Variants in MYO1E observed in about 807,000 individuals in gnomAD.
MYO1E encodes unconventional myosin-Ie.
Under a neutral mutation model 151.1 loss-of-function variants are expected in MYO1E, and 68 were observed. The ratio of observed to expected loss-of-function variants is 0.45; its 90% CI spans 0.37 to 0.55. The LOEUF is 0.55. Among genes scored for constraint, MYO1E ranks in the 20% least tolerant of loss-of-function variants. MYO1E has a pLI of 0.00. For missense variants in MYO1E, 1,363 were observed against 1,389.3 expected, an observed-to-expected ratio of 0.98 and a Z score of 0.30; for synonymous variants, 601 against 501.7, an observed-to-expected ratio of 1.20 and a Z score of -2.64.
intron 1 of MYO1E, among the ~76,000 whole-genome samples, chr15:59,343,556 T>G (rs2080777461): frequency 6.6e-6 from 1 of 152,178 alleles, no homozygotes. Flanking sequence ...ATCTTTTGTT[T>G]GGGAAGTTAT....
chr15:59,164,934 G>T (rs149763356), intron 22 of MYO1E, among the ~76,000 whole-genome samples: 2 of 152,134 alleles, frequency 1.3e-5, no homozygotes, highest in African/African-American at 4.8e-5. Context: ...AGGTCCTCAT[G>T]AATTGGATTA....
At chr15:59,366,496 C>T (rs1168684514) in intron 1 of MYO1E, among the ~76,000 whole-genome samples, 3 of 151,786 alleles carry the variant, frequency 2.0e-5, no homozygotes, top group Non-Finnish European at 1.5e-5. Flanking sequence ...CGACCACACC[C>T]GGCAAAAAAA....
chr15:59,268,718 G>GT (rs1452818863), intron 2 of MYO1E, among the ~76,000 whole-genome samples: 21 of 12,054 alleles, frequency 1.7e-3, no homozygotes, highest in African/African-American at 2.6e-3. Context: ...GGTGACTTTG[G>GT]TATTTTTTTT....
chr15:59,257,006 C>T (rs1015808066), intron 3 of MYO1E, among the ~76,000 whole-genome samples: 7 of 152,136 alleles, frequency 4.6e-5, no homozygotes, highest in East Asian at 1.9e-4. Flanking sequence ...AATCCTACCA[C>T]GCTAAGATAT....
At chr15:59,282,578 G>T (rs950158351) in intron 1 of MYO1E, among the ~76,000 whole-genome samples, 2 of 151,848 alleles carry the variant, frequency 1.3e-5, no homozygotes, top group South Asian at 4.2e-4. Flanking sequence ...AGGTGTGGTG[G>T]CTCATGCCTA....
chr15:59,214,659 T>C lies in MYO1E; in HGVS notation c.1169A>G (p.Tyr390Cys), dbSNP rs756345422. The part of the protein sequence containing the change: ...EEYNIGVLDI[Y>C]GFEIFQKNGF... ...CCTTACCTGGAATATTTCAAAGCCA[T>C]AGATGTCTAGGACGCCAATGTTGTA... Residue 390 changes from tyrosine (Y) to cysteine (C), a missense_variant, in exon 11 of 28, where the codon TAT (tyrosine) becomes TGT (cysteine). Tyr to Cys is a radical substitution (Grantham distance 194). Coordinates refer to ENST00000288235, the MANE Select transcript of MYO1E (RefSeq NM_004998.4). The C allele has an allele frequency of 6.2e-6, 10 of 1,613,270 alleles. No individual in the cohort carries two copies. Among genetic ancestry groups the C allele is most frequent in the South Asian group, 1.1e-5 (1 of 91,054 alleles).
intron 1 of MYO1E, among the ~76,000 whole-genome samples, chr15:59,321,166 G>T (rs1018708329): frequency 6.6e-6 from 1 of 152,088 alleles, no homozygotes; most frequent in Non-Finnish European, 1.5e-5. Context: ...ATGGTTATTA[G>T]AAAGTCAAAA....
In MYO1E at chr15:59,163,313, G is replaced by C. The variant is rs1252792695; in HGVS notation, c.2481-10C>G. On this transcript the variant is annotated splice_polypyrimidine_tract_variant and intron_variant, in intron 22 of 27. Coordinates refer to ENST00000288235, the MANE Select transcript of MYO1E (RefSeq NM_004998.4). ...GTCATCCTGCATAGTACTGTAAAGA[G>C]ATTGGACAAACACACTTGGTGAAAG... The C allele has an allele frequency of 1.2e-6, 2 of 1,611,826 alleles. No homozygotes were observed. Among genetic ancestry groups the C allele is most frequent in the Admixed American group, 1.7e-5 (1 of 59,938 alleles).
chr15:59,136,801 C>A lies in MYO1E; in HGVS notation c.*579G>T. On this transcript the variant is annotated 3_prime_UTR_variant, in exon 28 of 28. Coordinates refer to ENST00000288235, the MANE Select transcript of MYO1E (RefSeq NM_004998.4). ...ACCTGCTTGGCGGCCCTGATGGTCC[C>A]GGCAAAGTGTAAACCAGTGCCCCTC... is the stretch of plus-strand genomic sequence containing the variant. The A allele has an allele frequency of 2.2e-6, 1 of 456,034 alleles. No individual in the cohort carries two copies. The highest frequency in any genetic ancestry group is 4.4e-6 in the Non-Finnish European group (1 of 226,722). 28.2% of individuals were successfully genotyped at this position (456,034 alleles called of 1,614,324 possible). A position where few individuals can be genotyped will look rare whatever the true frequency, so the allele number is the denominator to read the frequency against.
chr15:59,268,132 C>T (rs1383305536), intron 2 of MYO1E, among the ~76,000 whole-genome samples: 1 of 152,238 alleles, frequency 6.6e-6, no homozygotes, highest in African/African-American at 2.4e-5. Context: ...CCAACTCTTA[C>T]TTACAGTAAT....
chr15:59,190,509 C>T (rs1252606664), intron 17 of MYO1E, among the ~76,000 whole-genome samples: 1 of 152,204 alleles, frequency 6.6e-6, no homozygotes, highest in Non-Finnish European at 1.5e-5. Flanking sequence ...GGGCCAGTCA[C>T]ACACAGTGCC....
chr15:59,347,154 G>A (rs1201063299), intron 1 of MYO1E, among the ~76,000 whole-genome samples: 7 of 152,188 alleles, frequency 4.6e-5, no homozygotes, highest in Non-Finnish European at 1.0e-4. Flanking sequence ...GCAGGTGAGT[G>A]GCTGGTGAGC....
intron 1 of MYO1E, among the ~76,000 whole-genome samples, chr15:59,372,291 A>T (rs2080951107): frequency 6.6e-6 from 1 of 152,252 alleles, no homozygotes; most frequent in African/African-American, 2.4e-5. Flanking sequence ...CCGACTTGGA[A>T]TAAAGTTTTC....
intron 1 of MYO1E, among the ~76,000 whole-genome samples, chr15:59,314,861 TGAG>T (rs774758180): frequency 6.6e-6 from 1 of 152,108 alleles, no homozygotes; most frequent in African/African-American, 2.4e-5. Context: ...GTAGAGGGGC[TGAG>T]GAGGAGGCAG....
intron 1 of MYO1E, among the ~76,000 whole-genome samples, chr15:59,343,030 G>A (rs781729767): frequency 1.3e-5 from 2 of 152,092 alleles, no homozygotes; most frequent in Non-Finnish European, 2.9e-5. Flanking sequence ...TTTGAGATAT[G>A]TATAGTTTAC....
chr15:59,205,509 G>GAATTTCATTAAACAAAATGT, intron 14 of MYO1E, 24 bp from the exon 15 acceptor site: 1 of 1,531,052 alleles, frequency 6.5e-7, no homozygotes, highest in Non-Finnish European at 9.0e-7. Context: ...GAAAGAAATC[G>GAATTTCATTAAACAAAATGT]AATTTCATTG....
intron 22 of MYO1E, among the ~76,000 whole-genome samples, chr15:59,169,099 A>C (rs1326316379): frequency 3.9e-5 from 6 of 152,126 alleles, no homozygotes; most frequent in Non-Finnish European, 8.8e-5. Flanking sequence ...GGTTGGTTTG[A>C]ATAGGGAGCT....
intron 4 of MYO1E, among the ~76,000 whole-genome samples, chr15:59,238,993 G>A (rs2080082904): frequency 6.6e-6 from 1 of 151,340 alleles, no homozygotes; most frequent in Admixed American, 6.6e-5. Context: ...ATCATTTGAG[G>A]TCAGGAGTTC....
At chr15:59,323,604 C>T (rs182246319) in intron 1 of MYO1E, among the ~76,000 whole-genome samples, 115 of 151,388 alleles carry the variant, frequency 7.6e-4, no homozygotes, top group South Asian at 5.4e-3. Flanking sequence ...TACAAGAAGC[C>T]GAGATCGCAC....
Sources: allele counts gnomAD v4.1 joint callset (sites outside exome capture counted in the v4.1 genomes callset), GRCh38; gene constraint gnomAD v4.1.1; transcripts MANE v1.5; gene names NCBI Gene and HGNC (gene_info 2026-07-23, HGNC 2026-07-21).